CCDC192: variants seen among roughly 807,000 people sequenced by gnomAD.
CCDC192 encodes coiled-coil domain containing 192.
intron 3 of CCDC192, among the ~76,000 whole-genome samples, chr5:127,774,597 A>G (rs751596750): frequency 3.9e-4 from 59 of 152,170 alleles, no homozygotes; most frequent in Non-Finnish European, 2.1e-4. Flanking sequence ...TCTCAGTTCT[A>G]TTTCAGTGGT....
At chr5:127,878,544 T>C (rs1431689526) in intron 6 of CCDC192, among the ~76,000 whole-genome samples, 5 of 152,142 alleles carry the variant, frequency 3.3e-5, no homozygotes, top group Non-Finnish European at 7.3e-5. Context: ...TAATCCCAGC[T>C]ACTTGGGAGG....
At chr5:127,928,779 T>A (rs564576058) in intron 6 of CCDC192, among the ~76,000 whole-genome samples, 1 of 152,168 alleles carries the variant, frequency 6.6e-6, no homozygotes, top group East Asian at 1.9e-4. Context: ...TCTTTTTTTT[T>A]TTTTAAGACG....
chr5:127,893,026 G>C (rs1464340326), intron 6 of CCDC192, among the ~76,000 whole-genome samples: 1 of 152,144 alleles, frequency 6.6e-6, no homozygotes, highest in Non-Finnish European at 1.5e-5. Flanking sequence ...AACATCCAAA[G>C]GGGGTTTCGC....
intron 5 of CCDC192, among the ~76,000 whole-genome samples, chr5:127,808,018 A>C (rs940401016): frequency 6.6e-6 from 1 of 152,130 alleles, no homozygotes; most frequent in African/African-American, 2.4e-5. Flanking sequence ...GTTTACTGTC[A>C]GGTTATTATT....
At chr5:127,815,568 C>G (rs759900516) in intron 5 of CCDC192, among the ~76,000 whole-genome samples, 1 of 152,056 alleles carries the variant, frequency 6.6e-6, no homozygotes, top group Non-Finnish European at 1.5e-5. Flanking sequence ...TAAGGAGTTT[C>G]TTTAAAGAGA....
chr5:127,912,419 CAAAAAAAAA>C (rs60854127), intron 6 of CCDC192, among the ~76,000 whole-genome samples: 23 of 81,452 alleles, frequency 2.8e-4, no homozygotes, highest in Non-Finnish European at 4.9e-4. Context: ...CTGGGTTTAG[CAAAAAAAAA>C]AAAAAAAAAA....
intron 6 of CCDC192, among the ~76,000 whole-genome samples, chr5:127,917,976 C>G (rs928448544): frequency 6.6e-6 from 1 of 151,830 alleles, no homozygotes; most frequent in South Asian, 2.1e-4. Flanking sequence ...CTCGTCTCTA[C>G]AAAATAAAAT....
intron 5 of CCDC192, among the ~76,000 whole-genome samples, chr5:127,814,907 C>T (rs919106883): frequency 3.3e-5 from 5 of 151,976 alleles, no homozygotes; most frequent in African/African-American, 7.3e-5. Context: ...TTCAGTATGG[C>T]GAATTTTTAA....
At chr5:127,785,018 T>A in intron 3 of CCDC192, 1 of 473,678 alleles carries the variant, frequency 2.1e-6, no homozygotes, top group African/African-American at 2.0e-5. Context: ...TTTAATAAAA[T>A]CTGTAGGACT....
chr5:127,821,024 T>A (rs572092402), intron 5 of CCDC192, among the ~76,000 whole-genome samples: 4 of 152,084 alleles, frequency 2.6e-5, no homozygotes, highest in African/African-American at 9.7e-5. Flanking sequence ...ATCCACACAC[T>A]ACATGTACAC....
intron 5 of CCDC192, among the ~76,000 whole-genome samples, chr5:127,810,144 A>G (rs1386431539): frequency 6.6e-6 from 1 of 152,230 alleles, no homozygotes; most frequent in East Asian, 1.9e-4. Flanking sequence ...TTTGTAACAC[A>G]TAGATCCCAG....
At chr5:127,777,116 C>G (rs1259598060) in intron 3 of CCDC192, among the ~76,000 whole-genome samples, 1 of 152,194 alleles carries the variant, frequency 6.6e-6, no homozygotes, top group African/African-American at 2.4e-5. Context: ...CATCCTGTGC[C>G]TGGAAAAGCC....
At chr5:127,751,260 T>C (rs1037764370) in intron 2 of CCDC192, among the ~76,000 whole-genome samples, 3 of 152,214 alleles carry the variant, frequency 2.0e-5, no homozygotes, top group African/African-American at 7.2e-5. Flanking sequence ...TACCAGTTGT[T>C]CCTTTCCATG....
chr5:127,809,675 T>C (rs1757973329), intron 5 of CCDC192, among the ~76,000 whole-genome samples: 1 of 152,194 alleles, frequency 6.6e-6, no homozygotes, highest in South Asian at 2.1e-4. Flanking sequence ...CTAGCTAGTA[T>C]TGCATATAGT....
At chr5:127,763,388 T>C (rs565936195) in intron 3 of CCDC192, among the ~76,000 whole-genome samples, 11 of 152,288 alleles carry the variant, frequency 7.2e-5, no homozygotes, top group African/African-American at 1.9e-4. Flanking sequence ...GACTCCCAAA[T>C]CACTCTTGAA....
chr5:127,773,512 G>A (rs1305590557), intron 3 of CCDC192, among the ~76,000 whole-genome samples: 1 of 152,110 alleles, frequency 6.6e-6, no homozygotes, highest in Non-Finnish European at 1.5e-5. Flanking sequence ...GGATATTTCA[G>A]ATGAAAGGAT....
At chr5:127,861,295 A>G (rs1400305103) in intron 5 of CCDC192, among the ~76,000 whole-genome samples, 2 of 151,286 alleles carry the variant, frequency 1.3e-5, no homozygotes, top group Non-Finnish European at 2.9e-5. Context: ...GGCATGAGCC[A>G]CCGTGCCTGG....
intron 5 of CCDC192, among the ~76,000 whole-genome samples, chr5:127,804,507 G>T (rs1332128838): frequency 6.6e-6 from 1 of 152,162 alleles, no homozygotes; most frequent in African/African-American, 2.4e-5. Context: ...TATGCTGCTT[G>T]AACCAGAACT....
At chr5:127,842,664 C>T (rs1201453988) in intron 5 of CCDC192, among the ~76,000 whole-genome samples, 1 of 152,144 alleles carries the variant, frequency 6.6e-6, no homozygotes, top group Non-Finnish European at 1.5e-5. Flanking sequence ...ATATTGGCAA[C>T]TAATTGAAAC....
Sources: gnomAD v4.1 joint callset for allele counts (sites outside exome capture counted in the v4.1 genomes callset) on GRCh38, gnomAD v4.1.1 for gene constraint, MANE v1.5 for transcripts, NCBI Gene and HGNC (gene_info 2026-07-23, HGNC 2026-07-21) for gene names.